Variants in CECR2 observed in about 807,000 individuals in gnomAD.
The protein encoded by CECR2 is CECR2 histone acetyl-lysine reader.
In CECR2, 30 loss-of-function variants were observed where a neutral mutation model predicts 154.5. That is an observed-to-expected ratio of 0.19 (90% CI 0.15 to 0.26). The LOEUF (loss-of-function observed/expected upper bound fraction) is 0.26. Among genes scored for constraint, CECR2 ranks in the 10% least tolerant of loss-of-function variants. The pLI, the probability that CECR2 is intolerant of heterozygous loss-of-function variation, is 1.00. For missense variants in CECR2, 1,743 were observed against 1,829.3 expected (o/e 0.95, Z 0.86); for synonymous variants, 725 against 683.7 (o/e 1.06, Z -0.94).
intron 2 of CECR2, among the ~76,000 whole-genome samples, chr22:17,483,740 A>C (rs899754712): frequency 9.2e-5 from 14 of 152,216 alleles, no homozygotes; most frequent in Non-Finnish European, 2.9e-5. Context: ...TTTTTTTAAA[A>C]TAAACATAGT....
chr22:17,532,524 G>C (rs1043754948), intron 9 of CECR2, among the ~76,000 whole-genome samples: 2 of 151,818 alleles, frequency 1.3e-5, no homozygotes, highest in African/African-American at 4.8e-5. Flanking sequence ...ATAAACACAA[G>C]GATTTCCTCT....
intron 1 of CECR2, among the ~76,000 whole-genome samples, chr22:17,426,225 A>C (rs5746372): frequency 0.067 from 10,242 of 152,232 alleles, 932 homozygotes; most frequent in East Asian, 0.36. Context: ...TCACACAAAA[A>C]AAGATTAAAA....
At chr22:17,427,674 T>C (rs1329491867) in intron 1 of CECR2, among the ~76,000 whole-genome samples, 1 of 152,106 alleles carries the variant, frequency 6.6e-6, no homozygotes, top group Non-Finnish European at 1.5e-5. Context: ...TTCCACAGTG[T>C]GGAAGGGGAC....
At chr22:17,377,931 T>C (rs2063135817) in intron 1 of CECR2, among the ~76,000 whole-genome samples, 1 of 152,236 alleles carries the variant, frequency 6.6e-6, no homozygotes, top group African/African-American at 2.4e-5. Flanking sequence ...TAGTTTGATC[T>C]GAAAATCTGT....
intron 7 of CECR2, among the ~76,000 whole-genome samples, chr22:17,509,716 A>G (rs2055908070): frequency 6.6e-6 from 1 of 152,222 alleles, no homozygotes; most frequent in Non-Finnish European, 1.5e-5. Context: ...TACAGAGCAT[A>G]GTATTTGGCA....
At chr22:17,399,036 T>C (rs2053854036) in intron 1 of CECR2, among the ~76,000 whole-genome samples, 1 of 152,148 alleles carries the variant, frequency 6.6e-6, no homozygotes, top group South Asian at 2.1e-4. Flanking sequence ...CCTGGATCTG[T>C]CTACTCAATC....
intron 1 of CECR2, among the ~76,000 whole-genome samples, chr22:17,446,577 T>C (rs2054667086): frequency 1.3e-5 from 2 of 150,638 alleles, no homozygotes; most frequent in East Asian, 2.0e-4. Flanking sequence ...ATTAGCCGGG[T>C]GTGGTGGCGG....
chr22:17,414,169 T>C (rs1352918102), intron 1 of CECR2, among the ~76,000 whole-genome samples: 5 of 151,482 alleles, frequency 3.3e-5, no homozygotes, highest in African/African-American at 4.9e-5. Flanking sequence ...AGATGGGATT[T>C]CACTGTGTTA....
intron 9 of CECR2, among the ~76,000 whole-genome samples, chr22:17,535,514 T>C (rs2056425003): frequency 6.6e-6 from 1 of 152,160 alleles, no homozygotes; most frequent in African/African-American, 2.4e-5. Context: ...TACAAACTTC[T>C]AAAACTGGAA....
Position 17,539,033 on chromosome 22 carries a change from G to A in CECR2, c.1409G>A (p.Gly470Glu), listed in dbSNP as rs2056480646. The change falls in exon 13 of 19, where the codon GGA (glycine) becomes GAA (glutamate). Residue 470 changes from glycine to glutamate, a missense_variant. Coordinates refer to ENST00000262608, the MANE Select transcript of CECR2 (RefSeq NM_001290047.2). ...DISSMEKKLN[G>E]GLYCTKEEFV... ...TCCAGCATGGAGAAGAAACTGAATGGAGGTTTATACTGTACCAAGGAGGAA... is the reference window on the plus strand; with the variant it reads ...TCCAGCATGGAGAAGAAACTGAATGAAGGTTTATACTGTACCAAGGAGGAA... The A allele has an allele frequency of 6.2e-7, 1 of 1,613,662 alleles. No individual in the cohort carries two copies. The highest frequency in any genetic ancestry group is 8.5e-7 in the Non-Finnish European group (1 of 1,179,758).
At chr22:17,479,879 C>T (rs983295950) in intron 2 of CECR2, among the ~76,000 whole-genome samples, 9 of 151,422 alleles carry the variant, frequency 5.9e-5, no homozygotes, top group African/African-American at 1.7e-4. Context: ...GTCTTCCCAC[C>T]TCAGCCTCCT....
chr22:17,391,343 G>T (rs2063323597), intron 1 of CECR2, among the ~76,000 whole-genome samples: 1 of 152,234 alleles, frequency 6.6e-6, no homozygotes, highest in Non-Finnish European at 1.5e-5. Flanking sequence ...TATCCTAGAT[G>T]TAGGGAAACC....
chr22:17,543,833 A>G (rs759934408), intron 16 of CECR2, among the ~76,000 whole-genome samples: 49 of 152,314 alleles, frequency 3.2e-4, no homozygotes, highest in Non-Finnish European at 5.6e-4. Context: ...TGCTAGGATT[A>G]CAGGCATGAG....
rs376142676 is a variant in CECR2 at position 17,516,702 on chromosome 22, C to A, written c.954+4806C>A. On this transcript the variant is annotated intron_variant, in intron 8 of 18. Transcript: ENST00000262608. ...CTCCGTGTCCTGGGTTCAAGCTATTCCCCTGCCTCAGCCTCACGAGTAGCT... is the reference window on the plus strand; with the variant it reads ...CTCCGTGTCCTGGGTTCAAGCTATTACCCTGCCTCAGCCTCACGAGTAGCT... 7.4e-4 allele frequency among the ~76,000 whole-genome samples: 112 copies of A among 152,240 alleles called. 1 individual carries two copies. Among genetic ancestry groups the A allele is most frequent in the African/African-American group, 2.5e-3 (104 of 41,532 alleles).
In CECR2 at chr22:17,419,157, G is replaced by A. The variant is rs147985674; in HGVS notation, c.126+49248G>A. 682 of 153,804 alleles carry A rather than the reference G, an allele frequency of 4.4e-3. 4 individuals are homozygous for A. The highest frequency in any genetic ancestry group is 6.4e-3 in the Non-Finnish European group (440 of 69,048). The allele number at this position is 153,804 out of a possible 1,614,324, so 9.5% of individuals were successfully genotyped here. On this transcript the variant is annotated intron_variant, in intron 1 of 18. Transcript: ENST00000262608. The stretch of plus-strand genomic sequence containing the variant: ...AACTCGCCCACGCATCCCTGGTGGC[G>A]GTCCCTGAAGCCCCCGCGGGGTCAG...
At chr22:17,493,506 C>G (rs185598035) in intron 2 of CECR2, among the ~76,000 whole-genome samples, 121 of 152,246 alleles carry the variant, frequency 7.9e-4, no homozygotes, top group African/African-American at 2.8e-3. Context: ...CATTCACTCT[C>G]TGATGTTTAA....
intron 1 of CECR2, among the ~76,000 whole-genome samples, chr22:17,360,540 A>C (rs2062971531): frequency 6.6e-6 from 1 of 152,066 alleles, no homozygotes; most frequent in East Asian, 1.9e-4. Context: ...AAATTTAGCC[A>C]AGCATGGTGG....
At chr22:17,368,176 A>C (rs2063013363), upstream of CECR2, among the ~76,000 whole-genome samples, 1 of 152,206 alleles carries the variant, frequency 6.6e-6, no homozygotes, top group Non-Finnish European at 1.5e-5. Context: ...ATCATAATAA[A>C]GTGAGGGAGA....
rs759436015 is a variant in CECR2, at chr22:17,542,654, A to G, written c.2511A>G (p.Ser837=). The change falls in exon 16 of 19, where the codon TCA becomes TCG. Residue 837 remains serine (S), a synonymous_variant. Transcript: ENST00000262608. The part of the protein sequence containing the change: ...SGFLPHGVPS[S]GYMRPPCKSA... The stretch of plus-strand genomic sequence containing the variant: ...TCCTACCTCATGGAGTTCCTTCCTC[A>G]GGGTACATGCGACCGCCCTGCAAGT... 4.3e-6 allele frequency: 7 copies of G among 1,614,010 alleles called. No individual in the cohort carries two copies. The highest frequency in any genetic ancestry group is 5.9e-6 in the Non-Finnish European group (7 of 1,179,892).
Sources: gnomAD v4.1 joint callset for allele counts (sites outside exome capture counted in the v4.1 genomes callset) on GRCh38, gnomAD v4.1.1 for gene constraint, MANE v1.5 for transcripts, NCBI Gene and HGNC (gene_info 2026-07-23, HGNC 2026-07-21) for gene names.